The following GLIPR1L1 variants were observed in gnomAD, a reference collection of about 807,000 sequenced individuals.
GLIPR1L1 encodes the protein GLIPR1-like protein 1.
In GLIPR1L1, 26 loss-of-function variants were observed where a neutral mutation model predicts 29.9. The observed-to-expected ratio is 0.87, with a 90% CI of 0.64 to 1.21. The LOEUF (loss-of-function observed/expected upper bound fraction) is 1.21. Among genes scored for constraint, GLIPR1L1 ranks in the 50% most tolerant of loss-of-function variants. The pLI, the probability that GLIPR1L1 is intolerant of heterozygous loss-of-function variation, is 0.00. For missense variants in GLIPR1L1, 305 were observed against 290.3 expected, an observed-to-expected ratio of 1.05 and a Z score of -0.37; for synonymous variants, 77 against 97.5, an observed-to-expected ratio of 0.79 and a Z score of 1.24.
intron 4 of GLIPR1L1, among the ~76,000 whole-genome samples, chr12:75,364,073 C>G (rs1362829878): frequency 1.3e-5 from 2 of 152,148 alleles, no homozygotes; most frequent in Admixed American, 1.3e-4. Flanking sequence ...TAGATGAAAC[C>G]TCAAGATATC....
At chr12:75,358,783 T>C (rs1006919874) in intron 3 of GLIPR1L1, among the ~76,000 whole-genome samples, 2 of 143,890 alleles carry the variant, frequency 1.4e-5, no homozygotes, top group Admixed American at 7.1e-5. Context: ...ATATATATAA[T>C]ATATAACAAT....
At chr12:75,366,503 T>A (rs2043970875) in intron 4 of GLIPR1L1, among the ~76,000 whole-genome samples, 1 of 152,166 alleles carries the variant, frequency 6.6e-6, no homozygotes, top group South Asian at 2.1e-4. Context: ...AATATGTAAC[T>A]AGTTTGGGTA....
At chr12:75,365,783 G>A (rs973406559) in intron 4 of GLIPR1L1, among the ~76,000 whole-genome samples, 1 of 152,030 alleles carries the variant, frequency 6.6e-6, no homozygotes, top group Admixed American at 6.6e-5. Flanking sequence ...CCTATGAATT[G>A]TGGGTGTTTA....
At chr12:75,366,872 A>G (rs1461054999) in intron 4 of GLIPR1L1, 1 of 701,320 alleles carries the variant, frequency 1.4e-6, no homozygotes, top group Non-Finnish European at 2.6e-6. Context: ...TTTTAAAACT[A>G]ATTTTGTTGA....
At chr12:75,358,253 A>G (rs2043285084) in intron 3 of GLIPR1L1, among the ~76,000 whole-genome samples, 1 of 151,916 alleles carries the variant, frequency 6.6e-6, no homozygotes, top group South Asian at 2.1e-4. Context: ...TTCAAAAGAC[A>G]AAAATTACAC....
intron 1 of GLIPR1L1, among the ~76,000 whole-genome samples, 195 bp from the exon 2 acceptor site, chr12:75,343,498 T>C (rs1318597595): frequency 6.6e-6 from 1 of 152,024 alleles, no homozygotes; most frequent in Non-Finnish European, 1.5e-5. Flanking sequence ...TGAACTGTCA[T>C]AGAGTGAGTA....
In GLIPR1L1 at chr12:75,361,815, C is replaced by A. The variant is rs2043615576; in HGVS notation, c.522-1287C>A. Among the ~76,000 whole-genome samples, 2 of 152,112 alleles carry A rather than the reference C, an allele frequency of 1.3e-5. 1 individual carries two copies. Among genetic ancestry groups the A allele is most frequent in the Admixed American group, 1.3e-4 (2 of 15,266 alleles). On this transcript the variant is annotated intron_variant, in intron 3 of 5. Transcript: ENST00000378695. ...ATCACCTCCCTCCCTAAACTTGGGG[C>A]TTACAGGTTCCTCCCTCAACACATG...
At chr12:75,341,344 G>GT (rs2042091100) in intron 1 of GLIPR1L1, among the ~76,000 whole-genome samples, 1 of 152,204 alleles carries the variant, frequency 6.6e-6, no homozygotes, top group Non-Finnish European at 1.5e-5. Flanking sequence ...ATCAACACAT[G>GT]TAACATCCCC....
At chr12:75,346,950 A>C (rs192650567) in intron 2 of GLIPR1L1, among the ~76,000 whole-genome samples, 5 of 152,140 alleles carry the variant, frequency 3.3e-5, no homozygotes, top group Non-Finnish European at 7.4e-5. Flanking sequence ...TGGAAAATGA[A>C]AAAATTTTAT....
At chr12:75,366,044 C>A in intron 4 of GLIPR1L1, among the ~76,000 whole-genome samples, 1 of 152,194 alleles carries the variant, frequency 6.6e-6, no homozygotes, top group African/African-American at 2.4e-5. Flanking sequence ...AATTCTAATT[C>A]TAATGTTACT....
intron 3 of GLIPR1L1, among the ~76,000 whole-genome samples, chr12:75,353,879 A>G (rs1181101529): frequency 1.3e-5 from 2 of 152,238 alleles, no homozygotes; most frequent in Non-Finnish European, 2.9e-5. Context: ...CATCAGAACT[A>G]AAGACAAAAA....
chr12:75,361,184 G>T (rs1300008862), intron 3 of GLIPR1L1, among the ~76,000 whole-genome samples: 3 of 151,898 alleles, frequency 2.0e-5, no homozygotes, highest in African/African-American at 7.3e-5. Flanking sequence ...TGTGCTGATT[G>T]GTCTGTTGGT....
chr12:75,337,488 A>G (rs1284098335), intron 1 of GLIPR1L1, among the ~76,000 whole-genome samples: 1 of 151,970 alleles, frequency 6.6e-6, no homozygotes, highest in Non-Finnish European at 1.5e-5. Flanking sequence ...ATTTTACAAC[A>G]TAAAGAAAAT....
At chr12:75,358,856 T>A (rs938965873) in intron 3 of GLIPR1L1, among the ~76,000 whole-genome samples, 1 of 134,638 alleles carries the variant, frequency 7.4e-6, no homozygotes, top group Non-Finnish European at 1.6e-5. Flanking sequence ...ATATTATATA[T>A]GGTTTAAACA....
At chr12:75,349,800 A>G (rs1362406949) in intron 3 of GLIPR1L1, among the ~76,000 whole-genome samples, 1 of 152,228 alleles carries the variant, frequency 6.6e-6, no homozygotes, top group East Asian at 1.9e-4. Context: ...CTTGAGAAAC[A>G]GAGCAAGACC....
chr12:75,350,847 A>G (rs1414800769), intron 3 of GLIPR1L1, among the ~76,000 whole-genome samples: 1 of 152,206 alleles, frequency 6.6e-6, no homozygotes, highest in Non-Finnish European at 1.5e-5. Flanking sequence ...TGAGGCTGAG[A>G]TGGACGAATT....
At chr12:75,340,132 C>T (rs1353729557) in intron 1 of GLIPR1L1, among the ~76,000 whole-genome samples, 1 of 150,112 alleles carries the variant, frequency 6.7e-6, no homozygotes, top group Non-Finnish European at 1.5e-5. Flanking sequence ...ATATTTTATA[C>T]ACACATATAT....
At chr12:75,364,562 A>G (rs1044977735) in intron 4 of GLIPR1L1, among the ~76,000 whole-genome samples, 3 of 152,228 alleles carry the variant, frequency 2.0e-5, no homozygotes, top group Non-Finnish European at 2.9e-5. Flanking sequence ...GGCATTCATT[A>G]ACTGTTAAAT....
intron 4 of GLIPR1L1, chr12:75,369,558 T>C (rs1261223610): frequency 7.1e-6 from 7 of 983,684 alleles, no homozygotes; most frequent in Non-Finnish European, 8.4e-6. Context: ...CATCGAGAAA[T>C]ATTTGGAGTA....
Sources: gnomAD v4.1 joint callset for allele counts (sites outside exome capture counted in the v4.1 genomes callset) on GRCh38, gnomAD v4.1.1 for gene constraint, MANE v1.5 for transcripts, NCBI Gene and HGNC (gene_info 2026-07-23, HGNC 2026-07-21) for gene names.